NOL4: variants seen among roughly 807,000 people sequenced by gnomAD.
The protein encoded by NOL4 is nucleolar protein 4.
NOL4 carries 17 observed loss-of-function variants against 75.9 expected under a neutral mutation model. That is an observed-to-expected ratio of 0.22 (90% CI 0.15 to 0.34). The LOEUF is 0.34. NOL4 is among the 10% of genes least tolerant of loss of function. The pLI is 1.00. For missense variants in NOL4, 614 were observed against 793.5 expected (o/e 0.77, Z 2.72); for synonymous variants, 292 against 289.9 (o/e 1.01, Z -0.07).
chr18:34,059,940 C>A (rs148938259), intron 5 of NOL4, among the ~76,000 whole-genome samples: 1 of 152,068 alleles, frequency 6.6e-6, no homozygotes, highest in Non-Finnish European at 1.5e-5. Context: ...AGCCTTCCCC[C>A]ACCAGAGCAT....
chr18:34,108,050 C>G (rs529520206), intron 2 of NOL4, among the ~76,000 whole-genome samples: 1 of 152,238 alleles, frequency 6.6e-6, no homozygotes, highest in South Asian at 2.1e-4. Flanking sequence ...TCAACTTCAG[C>G]TTCACTTTGG....
At chr18:34,122,017 T>C (rs1267713513) in intron 2 of NOL4, among the ~76,000 whole-genome samples, 1 of 152,316 alleles carries the variant, frequency 6.6e-6, no homozygotes, top group East Asian at 1.9e-4. Flanking sequence ...TGACCAAATA[T>C]ATCACGTCTA....
At chr18:34,189,736 G>A (rs2034770158) in intron 1 of NOL4, among the ~76,000 whole-genome samples, 1 of 151,868 alleles carries the variant, frequency 6.6e-6, no homozygotes, top group South Asian at 2.1e-4. Flanking sequence ...ATTTTAAACT[G>A]AGTTCAAAAT....
intron 2 of NOL4, among the ~76,000 whole-genome samples, chr18:34,119,192 A>G (rs1408117318): frequency 1.3e-5 from 2 of 152,196 alleles, no homozygotes; most frequent in Non-Finnish European, 2.9e-5. Context: ...TAATCACTGT[A>G]TCTCTCAAAA....
At chr18:34,030,663 G>C (rs1158746112) in intron 5 of NOL4, among the ~76,000 whole-genome samples, 1 of 152,056 alleles carries the variant, frequency 6.6e-6, no homozygotes, top group Non-Finnish European at 1.5e-5. Context: ...TTGGATTACT[G>C]TAGTTAATAA....
intron 6 of NOL4, among the ~76,000 whole-genome samples, chr18:34,010,172 T>C (rs2074290239): frequency 1.3e-5 from 2 of 151,928 alleles, no homozygotes; most frequent in Non-Finnish European, 1.5e-5. Flanking sequence ...CTTCTCACCC[T>C]CTGGTAACCA....
chr18:33,887,687 G>T (rs1224647990), intron 9 of NOL4, among the ~76,000 whole-genome samples: 4 of 151,850 alleles, frequency 2.6e-5, no homozygotes, highest in African/African-American at 9.7e-5. Flanking sequence ...TTCTGTCCTT[G>T]TGATAGTTTG....
At chr18:34,092,346 T>C (rs1047085547) in intron 5 of NOL4, among the ~76,000 whole-genome samples, 1 of 152,174 alleles carries the variant, frequency 6.6e-6, no homozygotes, top group African/African-American at 2.4e-5. Flanking sequence ...TAAGATACTA[T>C]CTTAAAGTCA....
chr18:34,081,767 T>C (rs1285576242), intron 5 of NOL4, among the ~76,000 whole-genome samples: 1 of 152,162 alleles, frequency 6.6e-6, no homozygotes, highest in East Asian at 1.9e-4. Context: ...CCTATTGTCC[T>C]TTCCAGACAA....
At chr18:34,054,814 T>C (rs2076768051) in intron 5 of NOL4, among the ~76,000 whole-genome samples, 1 of 151,780 alleles carries the variant, frequency 6.6e-6, no homozygotes. Context: ...TTTCTTTGTC[T>C]TTTGTTGACT....
At chr18:34,051,115 A>G (rs1274985718) in intron 5 of NOL4, among the ~76,000 whole-genome samples, 1 of 152,096 alleles carries the variant, frequency 6.6e-6, no homozygotes, top group African/African-American at 2.4e-5. Context: ...TATTGAAAAT[A>G]CTATGTAAAT....
chr18:34,138,138 G>A (rs1490129862), intron 1 of NOL4, among the ~76,000 whole-genome samples: 3 of 152,150 alleles, frequency 2.0e-5, no homozygotes, highest in Non-Finnish European at 4.4e-5. Context: ...AGGGCCAGAT[G>A]TGGTGGCTCA....
At chr18:34,201,377 C>T (rs1414398718) in intron 1 of NOL4, among the ~76,000 whole-genome samples, 1 of 151,768 alleles carries the variant, frequency 6.6e-6, no homozygotes, top group African/African-American at 2.4e-5. Flanking sequence ...CAACACATGA[C>T]AGAGCTGGAA....
chr18:33,905,761 C>T (rs1458676118), intron 9 of NOL4, among the ~76,000 whole-genome samples: 1 of 152,166 alleles, frequency 6.6e-6, no homozygotes, highest in African/African-American at 2.4e-5. Context: ...TCTTACTCAA[C>T]TTCTTCTCAT....
chr18:33,953,436 T>G (rs1477193483), intron 8 of NOL4, among the ~76,000 whole-genome samples: 1 of 151,726 alleles, frequency 6.6e-6, no homozygotes, highest in Non-Finnish European at 1.5e-5. Flanking sequence ...TATGCAAGAG[T>G]ACAGGTATGA....
At chr18:33,897,734 T>C (rs912210240) in intron 9 of NOL4, among the ~76,000 whole-genome samples, 2 of 152,024 alleles carry the variant, frequency 1.3e-5, no homozygotes, top group African/African-American at 2.4e-5. Context: ...GTAACAAACC[T>C]TCACATGTAC....
Position 33,876,074 on chromosome 18 carries a change from C to T in NOL4, c.1723+7170G>A, listed in dbSNP as rs1599707692. On this transcript the variant is annotated intron_variant, in intron 10 of 10. Coordinates refer to ENST00000261592, the MANE Select transcript of NOL4 (RefSeq NM_003787.5). ...TTTTGTTTACTTGATGTCATTGATT[C>T]TGCCTTATCCAACTTCGCTTCTCTT... 3.3e-5 allele frequency among the ~76,000 whole-genome samples: 5 copies of T among 152,090 alleles called. No individual in the cohort carries two copies. In the South Asian group the frequency reaches 1.0e-3, roughly 32 times the overall value.
At chr18:34,130,448 A>G (rs186161164) in intron 1 of NOL4, among the ~76,000 whole-genome samples, 1 of 152,146 alleles carries the variant, frequency 6.6e-6, no homozygotes, top group East Asian at 1.9e-4. Flanking sequence ...AGAAATGAAA[A>G]AAATGATACA....
intron 6 of NOL4, among the ~76,000 whole-genome samples, chr18:33,973,071 C>A (rs779755969): frequency 6.6e-6 from 1 of 152,194 alleles, no homozygotes. Flanking sequence ...AGTAGAATTT[C>A]TTTCAAAATA....
Sources: gnomAD v4.1 joint callset for allele counts (sites outside exome capture counted in the v4.1 genomes callset) on GRCh38, gnomAD v4.1.1 for gene constraint, MANE v1.5 for transcripts, NCBI Gene and HGNC (gene_info 2026-07-23, HGNC 2026-07-21) for gene names.